The following CTAGE9 variants were observed in gnomAD, a reference collection of about 807,000 sequenced individuals.
CTAGE9 encodes CTAGE family member 9, also known as cutaneous T-cell lymphoma-associated antigen 9.
For synonymous variants in CTAGE9, 107 were observed against 315.9 expected (o/e 0.34, Z 7.01); for missense variants, 248 against 884.0 (o/e 0.28, Z 9.12).
In CTAGE9 at chr6:131,709,673, G is replaced by C. The variant is rs2114497482; in HGVS notation, c.1345C>G (p.His449Asp). The C allele has an allele frequency of 6.2e-7, 1 of 1,613,092 alleles. No homozygotes were observed. The highest frequency in any genetic ancestry group is 1.1e-5 in the South Asian group (1 of 91,018). Residue 449 changes from histidine (H) to aspartate (D), a missense_variant, in exon 1 of 1, where the codon CAT (histidine) becomes GAT (aspartate). Transcript: ENST00000314099. Reference protein sequence around the residue: ...DLEEELERTVHFYQKQVISYE... With the variant: ...DLEEELERTVDFYQKQVISYE... ...GAAATAACCTGCTTTTGATAAAAAT[G>C]AACAGTTCTCTCCAATTCTTCTTCA... is the stretch of plus-strand genomic sequence containing the variant.
In CTAGE9 at chr6:131,711,004, C is replaced by T. The variant is rs781440471; in HGVS notation, c.14G>A (p.Gly5Asp). The change falls in exon 1 of 1, where the codon GGT becomes GAT. Residue 5 changes from glycine to aspartate, a missense_variant. Transcript: ENST00000314099. MEEP[G>D]ATPQPYLGLV... is the part of the protein sequence containing the mutation. ...CCCCAGGTAGGGCTGAGGGGTAGCA[C>T]CAGGCTCCTCCATAGCGTCGAGGCT... The T allele has an allele frequency of 1.3e-6, 2 of 1,589,320 alleles. No individual in the cohort carries two copies. The highest frequency in any genetic ancestry group is 1.7e-6 in the Non-Finnish European group (2 of 1,177,470).
Position 131,708,595 on chromosome 6 carries a change from A to G in CTAGE9, c.*89T>C, listed in dbSNP as rs1419261615. ...AATTACTTTTGAAGAAAGCAACAAT[A>G]TTGTCAGGTGTCTTGCTGTGGTTCT... On this transcript the variant is annotated 3_prime_UTR_variant, in exon 1 of 1. Coordinates refer to ENST00000314099, the MANE Select transcript of CTAGE9 (RefSeq NM_001145659.1). 6 of 1,549,656 alleles carry G rather than the reference A, an allele frequency of 3.9e-6. No individual in the cohort carries two copies. Among genetic ancestry groups the G allele is most frequent in the Non-Finnish European group, 5.2e-6 (6 of 1,159,648 alleles).
In CTAGE9 at chr6:131,708,915, G is replaced by C. The variant is rs781408648; in HGVS notation, c.2103C>G (p.Ile701Met). Residue 701 changes from isoleucine (I) to methionine (M), a missense_variant, in exon 1 of 1, where the codon ATC becomes ATG. Transcript: ENST00000314099. ...PGLIPPPLAP[I>M]SGPLFPVDTR... ...TATCCACTGGAAACAATGGACCGCT[G>C]ATTGGAGCAAGAGGTGGAGGAATAA... 3 of 1,607,054 alleles carry C rather than the reference G, an allele frequency of 1.9e-6. No individual in the cohort carries two copies. Among genetic ancestry groups the C allele is most frequent in the Non-Finnish European group, 2.5e-6 (3 of 1,179,574 alleles).
rs1562466912 is a variant in CTAGE9 at position 131,710,876 on chromosome 6, C to G, written c.142G>C (p.Ala48Pro). The part of the protein sequence containing the change: ...GFPSELVVCA[A>P]VIGFFVVLLF... ...AGAACAACAAAAAATCCAATAACAG[C>G]TGCACATACCACCAGTTCCGATGGA... The change falls in exon 1 of 1, where the codon GCT becomes CCT. Residue 48 changes from alanine to proline, a missense_variant. Physicochemically the swap from Ala to Pro is conservative, Grantham distance 27 (BLOSUM62 -1). Transcript: ENST00000314099. The G allele has an allele frequency of 1.2e-6, 2 of 1,610,280 alleles. No homozygotes were observed. Among genetic ancestry groups the G allele is most frequent in the Non-Finnish European group, 8.5e-7 (1 of 1,179,746 alleles).
Position 131,710,198 on chromosome 6 carries a change from G to T in CTAGE9, c.820C>A (p.Pro274Thr). The T allele has an allele frequency of 1.9e-6, 3 of 1,608,452 alleles. No individual in the cohort carries two copies. The South Asian group carries it at 3.3e-5, about 18-fold the overall frequency. ...NHIKTLTGHL[P>T]MMKDQAAVLE... ...ACAGCAGCCTGATCTTTCATCATTG[G>T]CAAGTGTCCAGTCAGGGTCTTGATG... Residue 274 changes from proline to threonine, a missense_variant, in exon 1 of 1, where the codon CCA becomes ACA. Pro to Thr is a conservative substitution (Grantham distance 38). Coordinates refer to ENST00000314099, the MANE Select transcript of CTAGE9 (RefSeq NM_001145659.1).
In CTAGE9 at chr6:131,710,671, C is replaced by T; in HGVS notation, c.347G>A (p.Ser116Asn). 6.2e-7 allele frequency: 1 copy of T among 1,611,874 alleles called. No homozygotes were observed. Among genetic ancestry groups the T allele is most frequent in the Non-Finnish European group, 8.5e-7 (1 of 1,179,824 alleles). The part of the protein sequence containing the change: ...YEVESSLEDA[S>N]FEKAAAEEAR... Reference sequence around the variant, plus strand: ...TTCTTCTGCTGCCGCCTTCTCAAAGCTGGCATCCTCTAAAGATGACTCTAC... The same window carrying T: ...TTCTTCTGCTGCCGCCTTCTCAAAGTTGGCATCCTCTAAAGATGACTCTAC... The change falls in exon 1 of 1, where the codon AGC becomes AAC. Residue 116 changes from serine (S) to asparagine (N), a missense_variant. Ser to Asn is a conservative substitution (Grantham distance 46). Transcript: ENST00000314099.
chr6:131,709,804 T>A lies in CTAGE9; in HGVS notation c.1214A>T (p.Glu405Val). Residue 405 changes from glutamate to valine, a missense_variant, in exon 1 of 1, where the codon GAG becomes GTG. By Grantham distance (121) the Glu-to-Val change is moderately radical (BLOSUM62 -2). Transcript: ENST00000314099. ...TTCTTCCTCTATTCGGTAATTTTCC[T>A]CCACTGTTAATTTCCTGTAGAGTTT... ...EMKLYRKLTV[E>V]ENYRIEEEEK... 2 of 1,612,768 alleles carry A rather than the reference T, an allele frequency of 1.2e-6. No homozygotes were observed. Among genetic ancestry groups the A allele is most frequent in the Middle Eastern group, 3.5e-4 (2 of 5,634 alleles).
At position 131,709,752 on chromosome 6, in the gene CTAGE9, C is replaced by A. The variant is rs1404787246; in HGVS notation, c.1266G>T (p.Lys422Asn). 3.1e-6 allele frequency: 5 copies of A among 1,613,862 alleles called. No homozygotes were observed. Among genetic ancestry groups the A allele is most frequent in the Admixed American group, 3.3e-5 (2 of 59,992 alleles). ...EEEKLSRVEE[K>N]ISHATEELET... is the part of the protein sequence containing the mutation. ...CCAGCTCTTCAGTGGCATGGCTGAT[C>A]TTTTCTTCCACTCTAGAAAGCTTCT... Residue 422 changes from lysine to asparagine, a missense_variant, in exon 1 of 1, where the codon AAG (lysine) becomes AAT (asparagine). Physicochemically the swap from Lys to Asn is moderately conservative, Grantham distance 94. Transcript: ENST00000314099.
Position 131,710,089 on chromosome 6 carries a change from G to A in CTAGE9, c.929C>T (p.Pro310Leu), listed in dbSNP as rs778389694. 9 of 1,613,842 alleles carry A rather than the reference G, an allele frequency of 5.6e-6. No individual in the cohort carries two copies. The South Asian group carries it at 6.6e-5, about 12-fold the overall frequency. Residue 310 changes from proline to leucine, a missense_variant, in exon 1 of 1, where the codon CCT (proline) becomes CTT (leucine). Coordinates refer to ENST00000314099, the MANE Select transcript of CTAGE9 (RefSeq NM_001145659.1). ...CAGTTTCTTCAAAGCTCCTTTCGGA[G>A]GATCATCTAAGTTAGCACCATTTTC... ...QWENGANLDD[P>L]PKGALKKLIH... is the part of the protein sequence containing the mutation.
Position 131,710,108 on chromosome 6 carries a change from C to A in CTAGE9, c.910G>T (p.Gly304Cys). 1 of 1,613,932 alleles carries A rather than the reference C, an allele frequency of 6.2e-7. No individual in the cohort carries two copies. Among genetic ancestry groups the A allele is most frequent in the Non-Finnish European group, 8.5e-7 (1 of 1,179,906 alleles). Residue 304 changes from glycine to cysteine, a missense_variant, in exon 1 of 1, where the codon GGT (glycine) becomes TGT (cysteine). Physicochemically the swap from Gly to Cys is radical, Grantham distance 159 (BLOSUM62 -3). Coordinates refer to ENST00000314099, the MANE Select transcript of CTAGE9 (RefSeq NM_001145659.1). ...ELKVNSQWEN[G>C]ANLDDPPKGA... The stretch of plus-strand genomic sequence containing the variant: ...TTCGGAGGATCATCTAAGTTAGCAC[C>A]ATTTTCCCATTGACTGTTCACTTTT...
Position 131,709,452 on chromosome 6 carries a change from A to T in CTAGE9, c.1566T>A (p.Ser522Arg), listed in dbSNP as rs1275390636. ...ATGAAGGCCGACCCAATGGTGAGGG[A>T]CTACATGGGGAATGCTCTCTGCCAA... is the stretch of plus-strand genomic sequence containing the variant. ...TAFGREHSPCSPSPLGRPSSE... is the reference protein window; with the variant it reads ...TAFGREHSPCRPSPLGRPSSE... The change falls in exon 1 of 1, where the codon AGT becomes AGA. Residue 522 changes from serine (S) to arginine (R), a missense_variant. Transcript: ENST00000314099. The T allele has an allele frequency of 8.1e-6, 13 of 1,602,758 alleles. No individual in the cohort carries two copies. The highest frequency in any genetic ancestry group is 1.0e-5 in the Non-Finnish European group (12 of 1,176,060).
Position 131,709,443 on chromosome 6 carries a change from T to C in CTAGE9, c.1575A>G (p.Pro525=), listed in dbSNP as rs201130801. The C allele has an allele frequency of 4.7e-5, 75 of 1,600,078 alleles. 1 individual carries two copies. In the South Asian group the frequency reaches 7.8e-4, roughly 17 times the overall value. The change falls in exon 1 of 1, where the codon CCA becomes CCG. Residue 525 remains proline, a synonymous_variant. Transcript: ENST00000314099. ...TCGTTTCAGATGAAGGCCGACCCAATGGTGAGGGACTACATGGGGAATGCT... is the reference window on the plus strand; with the variant it reads ...TCGTTTCAGATGAAGGCCGACCCAACGGTGAGGGACTACATGGGGAATGCT... ...GREHSPCSPS[P]LGRPSSETRA...
rs777759378 is a variant in CTAGE9, at chr6:131,708,849, TG to T, written c.2168del (p.Pro723HisfsTer30). On this transcript the variant is annotated frameshift_variant, in exon 1 of 1. Transcript: ENST00000314099. LOFTEE classifies it low-confidence loss of function (END_TRUNC). ...PFMRRGPPFPPPPPGTMFGAS... is the reference protein window; with the variant it reads ...PFMRRGPPFPXPPPGTMFGAS... ...CTCCAAACATGGTTCCTGGAGGAGG[TG>T]GGGGGAAAGGAGGTCCTCTTCTCAT... 6.2e-7 allele frequency: 1 copy of T among 1,607,704 alleles called. No homozygotes were observed. Among genetic ancestry groups the T allele is most frequent in the African/African-American group, 1.4e-5 (1 of 70,112 alleles).
At position 131,710,975 on chromosome 6, in the gene CTAGE9, C is replaced by G. The variant is rs1234964761; in HGVS notation, c.43G>C (p.Val15Leu). 13 of 1,563,284 alleles carry G rather than the reference C, an allele frequency of 8.3e-6. 1 individual carries two copies. The highest frequency in any genetic ancestry group is 1.1e-5 in the Non-Finnish European group (13 of 1,172,244). Residue 15 changes from valine to leucine, a missense_variant, in exon 1 of 1, where the codon GTC becomes CTC. Val to Leu is a conservative substitution (Grantham distance 32, BLOSUM62 1). Transcript: ENST00000314099. ...ACAACTCTGCCTAGCTCCTCCAGGACCAGCCCCAGGTAGGGCTGAGGGGTA... is the reference window on the plus strand; with the variant it reads ...ACAACTCTGCCTAGCTCCTCCAGGAGCAGCCCCAGGTAGGGCTGAGGGGTA... ...GATPQPYLGL[V>L]LEELGRVVAA...
chr6:131,710,105 C>T lies in CTAGE9; in HGVS notation c.913G>A (p.Ala305Thr). 1 of 1,613,926 alleles carries T rather than the reference C, an allele frequency of 6.2e-7. No individual in the cohort carries two copies. Among genetic ancestry groups the T allele is most frequent in the Admixed American group, 1.7e-5 (1 of 60,016 alleles). Residue 305 changes from alanine (A) to threonine (T), a missense_variant, in exon 1 of 1, where the codon GCT becomes ACT. Coordinates refer to ENST00000314099, the MANE Select transcript of CTAGE9 (RefSeq NM_001145659.1). ...LKVNSQWENGANLDDPPKGAL... is the reference protein window; with the variant it reads ...LKVNSQWENGTNLDDPPKGAL... Reference sequence around the variant, plus strand: ...CCTTTCGGAGGATCATCTAAGTTAGCACCATTTTCCCATTGACTGTTCACT... The same window carrying T: ...CCTTTCGGAGGATCATCTAAGTTAGTACCATTTTCCCATTGACTGTTCACT...
In CTAGE9 at chr6:131,709,703, C is replaced by T; in HGVS notation, c.1315G>A (p.Asp439Asn). ...ELETYRKLAK[D>N]LEEELERTVH... ...GTTCTCTCCAATTCTTCTTCAAGAT[C>T]TTTGGCTAGCTTTCTATAGGTCTCC... The change falls in exon 1 of 1, where the codon GAT (aspartate) becomes AAT (asparagine). Residue 439 changes from aspartate (D) to asparagine (N), a missense_variant. Physicochemically the swap from Asp to Asn is conservative, Grantham distance 23. Transcript: ENST00000314099. 1 of 1,613,822 alleles carries T rather than the reference C, an allele frequency of 6.2e-7. No individual in the cohort carries two copies. Among genetic ancestry groups the T allele is most frequent in the Non-Finnish European group, 8.5e-7 (1 of 1,179,912 alleles).
chr6:131,709,634 C>T lies in CTAGE9; in HGVS notation c.1384G>A (p.Gly462Arg). The stretch of plus-strand genomic sequence containing the variant: ...CGAGCTGCCAACCAATTATCATGTC[C>T]TCTTTTCTCGTAGGAAATAACCTGC... ...QKQVISYEKRGHDNWLAARTA... is the reference protein window; with the variant it reads ...QKQVISYEKRRHDNWLAARTA... The change falls in exon 1 of 1, where the codon GGA becomes AGA. Residue 462 changes from glycine (G) to arginine (R), a missense_variant. Transcript: ENST00000314099. 1 of 1,611,502 alleles carries T rather than the reference C, an allele frequency of 6.2e-7. No homozygotes were observed. The highest frequency in any genetic ancestry group is 2.2e-5 in the East Asian group (1 of 44,778).
chr6:131,710,090 G>A lies in CTAGE9; in HGVS notation c.928C>T (p.Pro310Ser). ...AGTTTCTTCAAAGCTCCTTTCGGAG[G>A]ATCATCTAAGTTAGCACCATTTTCC... ...QWENGANLDDPPKGALKKLIH... is the reference protein window; with the variant it reads ...QWENGANLDDSPKGALKKLIH... The change falls in exon 1 of 1, where the codon CCT becomes TCT. Residue 310 changes from proline to serine, a missense_variant. Coordinates refer to ENST00000314099, the MANE Select transcript of CTAGE9 (RefSeq NM_001145659.1). 6.2e-7 allele frequency: 1 copy of A among 1,613,826 alleles called. No individual in the cohort carries two copies.
chr6:131,710,055 A>G lies in CTAGE9; in HGVS notation c.963T>C (p.Ala321=), dbSNP rs751396629. The G allele has an allele frequency of 4.3e-6, 7 of 1,612,904 alleles. No homozygotes were observed. The highest frequency in any genetic ancestry group is 1.1e-5 in the South Asian group (1 of 91,008). ...TTTTTAAAGAAACATTTAACTTAGCAGCATGAATCAGTTTCTTCAAAGCTC... is the reference window on the plus strand; with the variant it reads ...TTTTTAAAGAAACATTTAACTTAGCGGCATGAATCAGTTTCTTCAAAGCTC... ...PKGALKKLIH[A]AKLNVSLKSL... The change falls in exon 1 of 1, where the codon GCT becomes GCC. Residue 321 remains alanine (A), a synonymous_variant. Coordinates refer to ENST00000314099, the MANE Select transcript of CTAGE9 (RefSeq NM_001145659.1).
Sources: allele counts gnomAD v4.1 joint callset, GRCh38; gene constraint gnomAD v4.1.1; transcripts MANE v1.5; gene names NCBI Gene and HGNC (gene_info 2026-07-23, HGNC 2026-07-21).